The following GRIP1 variants were observed in gnomAD, a reference collection of about 807,000 sequenced individuals.
GRIP1 encodes glutamate receptor interacting protein 1.
In GRIP1, 45 loss-of-function variants were observed where a neutral mutation model predicts 129.9. The ratio of observed to expected loss-of-function variants is 0.35; its 90% confidence interval spans 0.27 to 0.44. The LOEUF is 0.44. GRIP1 is among the 20% of genes least tolerant of loss of function. The pLI, the probability that GRIP1 is intolerant of heterozygous loss-of-function variation, is 1.00. For missense variants in GRIP1, 1,196 were observed against 1,396.8 expected, an observed-to-expected ratio of 0.86 and a Z score of 2.29; for synonymous variants, 530 against 520.8, an observed-to-expected ratio of 1.02 and a Z score of -0.24.
At chr12:66,604,525 C>A (rs545778150) in intron 1 of GRIP1, among the ~76,000 whole-genome samples, 2 of 152,314 alleles carry the variant, frequency 1.3e-5, no homozygotes, top group African/African-American at 4.8e-5. Context: ...CATATCAGAT[C>A]CCAATTAAAA....
rs564080736 is a variant in GRIP1 at position 66,715,137 on chromosome 12, A to G, written c.-419-84801T>C. Among the ~76,000 whole-genome samples the G allele has an allele frequency of 3.3e-5, 5 of 152,158 alleles. No homozygotes were observed. The East Asian group carries it at 9.7e-4, about 29-fold the overall frequency. On this transcript the variant is annotated intron_variant, in intron 1 of 4. Coordinates refer to the GRIP1 transcript ENST00000538373. ...AGGGATCCTTCTAACTTCTCAGCTG[A>G]AAAATCTTCAACTATTTTCTACTGC...
rs563863705 is a variant in GRIP1, at chr12:67,068,748, C to A, written c.58+302G>T. Among the ~76,000 whole-genome samples, 164 of 149,564 alleles carry A rather than the reference C, an allele frequency of 1.1e-3. 2 individuals are homozygous for A. The highest frequency in any genetic ancestry group is 3.7e-3 in the African/African-American group (149 of 40,508). On this transcript the variant is annotated intron_variant, in intron 1 of 1. Coordinates refer to the GRIP1 transcript ENST00000643019. ...TCGGAGCTCCACGTGCGAGCGGGCC[C>A]TGCAGAAGCTGGAGTTTCCCCTACA...
At chr12:66,635,071 T>C (rs1357153436) in intron 1 of GRIP1, among the ~76,000 whole-genome samples, 1 of 152,188 alleles carries the variant, frequency 6.6e-6, no homozygotes, top group Admixed American at 6.5e-5. Flanking sequence ...TAGGAGTCAA[T>C]AAATAACTTG....
At chr12:66,488,245 C>G (rs1207482789) in intron 7 of GRIP1, among the ~76,000 whole-genome samples, 1 of 152,128 alleles carries the variant, frequency 6.6e-6, no homozygotes, top group Non-Finnish European at 1.5e-5. Context: ...CACTTCTCAG[C>G]AAATGGAAAA....
At chr12:66,725,084 G>A (rs776517865) in intron 1 of GRIP1, among the ~76,000 whole-genome samples, 12 of 152,252 alleles carry the variant, frequency 7.9e-5, no homozygotes, top group Admixed American at 2.0e-4. Context: ...TTAAGCTCAG[G>A]AGTTCAAGAC....
intron 1 of GRIP1, among the ~76,000 whole-genome samples, chr12:66,913,979 T>C (rs1353110167): frequency 2.6e-5 from 4 of 152,288 alleles, no homozygotes; most frequent in East Asian, 1.9e-4. Context: ...TACTGCACCA[T>C]GTGTAATAGT....
chr12:66,681,759 T>TA, upstream of GRIP1, among the ~76,000 whole-genome samples: 1 of 152,290 alleles, frequency 6.6e-6, no homozygotes, highest in East Asian at 1.9e-4. Context: ...TCAAGAGGTT[T>TA]ACCCCTCTTA....
upstream of GRIP1, among the ~76,000 whole-genome samples, chr12:66,804,436 T>TA (rs1566031308): frequency 2.4e-4 from 36 of 151,234 alleles, no homozygotes; most frequent in East Asian, 9.7e-4. Context: ...TGTAATTTTT[T>TA]TAAAAAAAAA....
intron 1 of GRIP1, among the ~76,000 whole-genome samples, chr12:66,814,573 A>G: frequency 6.7e-6 from 1 of 148,408 alleles, no homozygotes; most frequent in East Asian, 1.9e-4. Flanking sequence ...AGCTGCACTA[A>G]GTACTAGTGA....
At chr12:66,997,370 G>A (rs1237771021) in intron 1 of GRIP1, among the ~76,000 whole-genome samples, 1 of 152,026 alleles carries the variant, frequency 6.6e-6, no homozygotes, top group Non-Finnish European at 1.5e-5. Context: ...CTTGAGCCCA[G>A]GAGTTCAAGG....
intron 1 of GRIP1, among the ~76,000 whole-genome samples, chr12:67,052,115 T>G (rs945069499): frequency 2.0e-5 from 3 of 152,244 alleles, no homozygotes; most frequent in Non-Finnish European, 4.4e-5. Flanking sequence ...GCCTTAAGTC[T>G]GACACAGATT....
intron 1 of GRIP1, among the ~76,000 whole-genome samples, chr12:66,965,625 G>A (rs1007397370): frequency 2.8e-5 from 4 of 142,454 alleles, no homozygotes; most frequent in East Asian, 2.4e-4. Flanking sequence ...TGGGACTAAC[G>A]GATTTTCAAG....
At chr12:66,661,361 G>A (rs1246368977) in intron 1 of GRIP1, among the ~76,000 whole-genome samples, 1 of 150,266 alleles carries the variant, frequency 6.7e-6, no homozygotes, top group Non-Finnish European at 1.5e-5. Context: ...AAATCCCTAG[G>A]AGTTAATTTC....
intron 1 of GRIP1, among the ~76,000 whole-genome samples, chr12:66,695,471 C>T (rs1027432150): frequency 7.9e-5 from 12 of 152,066 alleles, no homozygotes; most frequent in African/African-American, 2.4e-4. Context: ...GTGGTTGGCT[C>T]CACTCCTCCT....
chr12:66,517,870 T>A, intron 6 of GRIP1, 31 bp downstream of exon 6: 1 of 1,132,470 alleles, frequency 8.8e-7, no homozygotes, highest in Non-Finnish European at 1.4e-6. Flanking sequence ...TTATTCTATT[T>A]TGGATAGTGA....
upstream of GRIP1, among the ~76,000 whole-genome samples, chr12:66,806,745 T>C (rs1481065424): frequency 6.6e-6 from 1 of 152,156 alleles, no homozygotes; most frequent in East Asian, 1.9e-4. Flanking sequence ...AGTAAAATTA[T>C]CTACATACCA....
At chr12:66,698,181 ATTC>A (rs942656575) in intron 1 of GRIP1, among the ~76,000 whole-genome samples, 8 of 152,222 alleles carry the variant, frequency 5.3e-5, no homozygotes, top group African/African-American at 1.9e-4. Flanking sequence ...TTGTCTCAAA[ATTC>A]TTCTCTTCAA....
intron 7 of GRIP1, among the ~76,000 whole-genome samples, chr12:66,487,425 A>T (rs1362307271): frequency 6.6e-6 from 1 of 152,184 alleles, no homozygotes; most frequent in Non-Finnish European, 1.5e-5. Flanking sequence ...AGACAAGCAA[A>T]TGCTGAGGGA....
chr12:66,701,574 G>A (rs1232258263), intron 1 of GRIP1, among the ~76,000 whole-genome samples: 1 of 152,118 alleles, frequency 6.6e-6, no homozygotes. Context: ...CCATAGAAAG[G>A]CTTCTCCAAC....
Sources: gnomAD v4.1 joint callset for allele counts (sites outside exome capture counted in the v4.1 genomes callset) on GRCh38, gnomAD v4.1.1 for gene constraint, MANE v1.5 for transcripts, NCBI Gene and HGNC (gene_info 2026-07-23, HGNC 2026-07-21) for gene names.